The following MAGI2 variants were observed in gnomAD, a reference collection of about 807,000 sequenced individuals.
The protein encoded by MAGI2 is membrane associated guanylate kinase, WW and PDZ domain containing 2, also known as membrane-associated guanylate kinase, WW and PDZ domain-containing protein 2.
MAGI2 carries 35 observed loss-of-function variants against 133.3 expected under a neutral mutation model. The ratio of observed to expected loss-of-function variants is 0.26; its 90% CI spans 0.20 to 0.35. The LOEUF (loss-of-function observed/expected upper bound fraction) is 0.35. Ranked by LOEUF, MAGI2 falls within the 10% of genes least tolerant of loss-of-function variation. MAGI2 has a pLI of 1.00. For missense variants in MAGI2, 1,636 were observed against 1,863.4 expected, an observed-to-expected ratio of 0.88 and a Z score of 2.25; for synonymous variants, 729 against 710.6, an observed-to-expected ratio of 1.03 and a Z score of -0.41.
At chr7:78,789,681 A>T (rs1373843945) in intron 2 of MAGI2, among the ~76,000 whole-genome samples, 1 of 152,220 alleles carries the variant, frequency 6.6e-6, no homozygotes, top group Non-Finnish European at 1.5e-5. Flanking sequence ...AGTATTTATC[A>T]TTTCCTAGTG....
intron 21 of MAGI2, among the ~76,000 whole-genome samples, chr7:78,040,672 C>T (rs1810734314): frequency 6.6e-6 from 1 of 152,210 alleles, no homozygotes; most frequent in African/African-American, 2.4e-5. Flanking sequence ...GCCTTGGAGA[C>T]AGCCCTGAGT....
chr7:79,293,614 C>T (rs1310479583), intron 1 of MAGI2, among the ~76,000 whole-genome samples: 4 of 152,206 alleles, frequency 2.6e-5, no homozygotes, highest in Non-Finnish European at 5.9e-5. Flanking sequence ...GTTTAATTTA[C>T]AATGACATTA....
At chr7:78,042,869 C>T (rs568419369) in intron 21 of MAGI2, among the ~76,000 whole-genome samples, 9 of 152,230 alleles carry the variant, frequency 5.9e-5, no homozygotes, top group Non-Finnish European at 1.3e-4. Flanking sequence ...ATGCAGCTGA[C>T]TGATACAATT....
chr7:78,776,210 GC>G (rs928787113), intron 2 of MAGI2, among the ~76,000 whole-genome samples: 9 of 152,160 alleles, frequency 5.9e-5, no homozygotes, highest in African/African-American at 2.2e-4. Flanking sequence ...CAAGTAAGAA[GC>G]AAAATTTCTA....
chr7:78,096,800 C>A (rs1363380521), intron 20 of MAGI2, among the ~76,000 whole-genome samples: 1 of 151,920 alleles, frequency 6.6e-6, no homozygotes, highest in Admixed American at 6.6e-5. Flanking sequence ...AAAAAGTTTG[C>A]CCAAAGGCAA....
chr7:78,686,436 C>T (rs1219164318), intron 2 of MAGI2, among the ~76,000 whole-genome samples: 2 of 151,954 alleles, frequency 1.3e-5, no homozygotes, highest in Middle Eastern at 3.4e-3. Context: ...CAGGGGAAAC[C>T]GTTTGTGTAA....
intron 3 of MAGI2, among the ~76,000 whole-genome samples, chr7:78,573,716 A>T (rs1208693303): frequency 2.0e-5 from 3 of 151,592 alleles, no homozygotes; most frequent in Non-Finnish European, 2.9e-5. Context: ...AAAAAATTTG[A>T]TTGTATGATC....
At chr7:79,366,533 A>T (rs1842719310) in intron 1 of MAGI2, among the ~76,000 whole-genome samples, 1 of 152,186 alleles carries the variant, frequency 6.6e-6, no homozygotes, top group Admixed American at 6.5e-5. Flanking sequence ...TACTTAATAC[A>T]CACAAATAAC....
intron 1 of MAGI2, among the ~76,000 whole-genome samples, chr7:79,436,059 A>G (rs1350401973): frequency 6.6e-6 from 1 of 152,144 alleles, no homozygotes; most frequent in African/African-American, 2.4e-5. Flanking sequence ...GATATTGGCT[A>G]TCCATACGTG....
intron 21 of MAGI2, among the ~76,000 whole-genome samples, chr7:78,058,489 T>TTTTTTA (rs1812882946): frequency 6.6e-6 from 1 of 151,716 alleles, no homozygotes; most frequent in Non-Finnish European, 1.5e-5. Flanking sequence ...TTTTTTTTTT[T>TTTTTTA]GAGACGGAGT....
At chr7:79,340,134 G>T (rs1840780896) in intron 1 of MAGI2, among the ~76,000 whole-genome samples, 1 of 151,862 alleles carries the variant, frequency 6.6e-6, no homozygotes, top group South Asian at 2.1e-4. Flanking sequence ...CTTTGGTTTT[G>T]TTTTTCATGG....
intron 16 of MAGI2, among the ~76,000 whole-genome samples, chr7:78,149,820 A>C (rs945289229): frequency 6.6e-6 from 1 of 152,184 alleles, no homozygotes; most frequent in Non-Finnish European, 1.5e-5. Context: ...TTCATCAGGT[A>C]CCCAACATCT....
chr7:79,447,000 G>A (rs1046031233), intron 1 of MAGI2, among the ~76,000 whole-genome samples: 1 of 152,098 alleles, frequency 6.6e-6, no homozygotes, highest in Non-Finnish European at 1.5e-5. Flanking sequence ...TCAATGGGAT[G>A]CAATTGAGTT....
chr7:78,127,617 A>G lies in MAGI2; in HGVS notation c.3204-201T>C, dbSNP rs188276305. Among the ~76,000 whole-genome samples the G allele has an allele frequency of 1.9e-3, 283 of 152,280 alleles. 3 individuals carry two copies. The highest frequency in any genetic ancestry group is 6.6e-3 in the African/African-American group (273 of 41,560). Reference sequence around the variant, plus strand: ...ACAAATGCCATATTGTATGCTTTTTATTTGGCTCCTTACGAAGTCAAGGTA... The same window carrying G: ...ACAAATGCCATATTGTATGCTTTTTGTTTGGCTCCTTACGAAGTCAAGGTA... On this transcript the variant is annotated intron_variant, in intron 18 of 21. Transcript: ENST00000354212.
At chr7:78,396,834 A>G (rs951777763) in intron 6 of MAGI2, among the ~76,000 whole-genome samples, 1 of 152,182 alleles carries the variant, frequency 6.6e-6, no homozygotes, top group Non-Finnish European at 1.5e-5. Context: ...AAAGAAAAGA[A>G]CAGAGAGAGA....
At chr7:79,209,136 T>C in intron 1 of MAGI2, among the ~76,000 whole-genome samples, 1 of 151,984 alleles carries the variant, frequency 6.6e-6, no homozygotes, top group Non-Finnish European at 1.5e-5. Flanking sequence ...AATAATACGT[T>C]GTATTCTTAA....
chr7:78,342,338 C>G (rs1459733138), intron 9 of MAGI2, among the ~76,000 whole-genome samples: 1 of 152,148 alleles, frequency 6.6e-6, no homozygotes, highest in Non-Finnish European at 1.5e-5. Context: ...GAAACACGAA[C>G]AAACGCTTTT....
At chr7:79,358,046 G>A (rs1317338027) in intron 1 of MAGI2, among the ~76,000 whole-genome samples, 1 of 151,814 alleles carries the variant, frequency 6.6e-6, no homozygotes, top group Non-Finnish European at 1.5e-5. Flanking sequence ...TTAAGTGTTT[G>A]AAATCAACAT....
chr7:78,116,744 G>C (rs1357307160), intron 20 of MAGI2, among the ~76,000 whole-genome samples: 1 of 151,914 alleles, frequency 6.6e-6, no homozygotes, highest in African/African-American at 2.4e-5. Context: ...CAGGTGTGGT[G>C]GTGCACACCT....
Sources: allele counts gnomAD v4.1 joint callset (sites outside exome capture counted in the v4.1 genomes callset), GRCh38; gene constraint gnomAD v4.1.1; transcripts MANE v1.5; gene names NCBI Gene and HGNC (gene_info 2026-07-23, HGNC 2026-07-21).